The following AFAP1L2 variants were observed in gnomAD, a reference collection of about 807,000 sequenced individuals.
AFAP1L2 encodes actin filament associated protein 1 like 2.
AFAP1L2 carries 46 observed loss-of-function variants against 99.3 expected under a neutral mutation model. The observed-to-expected ratio is 0.46, with a 90% CI of 0.37 to 0.59. The LOEUF is 0.59. Among genes scored for constraint, AFAP1L2 ranks in the 20% least tolerant of loss-of-function variants. The pLI is 0.00. For synonymous variants in AFAP1L2, 397 were observed against 419.1 expected, an observed-to-expected ratio of 0.95 and a Z score of 0.64; for missense variants, 959 against 1,034.9, an observed-to-expected ratio of 0.93 and a Z score of 1.01.
At chr10:114,348,902 T>C (rs1244782840) in intron 1 of AFAP1L2, among the ~76,000 whole-genome samples, 1 of 152,240 alleles carries the variant, frequency 6.6e-6, no homozygotes, top group Non-Finnish European at 1.5e-5. Context: ...ATTTGCTTTA[T>C]GAAGTCTTTT....
chr10:114,396,775 C>T (rs1213771694), intron 1 of AFAP1L2, among the ~76,000 whole-genome samples: 1 of 152,162 alleles, frequency 6.6e-6, no homozygotes, highest in Non-Finnish European at 1.5e-5. Context: ...TTCCATGGTC[C>T]TCCTGGGCTT....
In AFAP1L2 at chr10:114,302,473, G is replaced by A. The variant is rs145048383; in HGVS notation, c.1296C>T (p.Ser432=). Residue 432 remains serine (S), a synonymous_variant, in exon 12 of 19, where the codon TCC becomes TCT. Coordinates refer to ENST00000304129, the MANE Select transcript of AFAP1L2 (RefSeq NM_001001936.3). The part of the protein sequence containing the change: ...EELAKLEAKS[S]EEMGHWLGLL... The stretch of plus-strand genomic sequence containing the variant: ...GACCCAGCCAGTGGCCCATTTCCTC[G>A]GAAGACTTGGCCTGGAACGAGGCCA... 4.4e-5 allele frequency: 71 copies of A among 1,613,848 alleles called. No homozygotes were observed. The East Asian group carries it at 7.1e-4, about 16-fold the overall frequency.
intron 4 of AFAP1L2, among the ~76,000 whole-genome samples, chr10:114,326,793 G>T (rs151110782): frequency 1.0e-3 from 152 of 151,996 alleles, no homozygotes; most frequent in African/African-American, 3.5e-3. Context: ...TGTCACATGG[G>T]GTTGCTGTAA....
rs944382613 is a variant in AFAP1L2 at position 114,390,450 on chromosome 10, C to T, written c.16+13990G>A. 3.9e-5 allele frequency among the ~76,000 whole-genome samples: 6 copies of T among 152,272 alleles called. No homozygotes were observed. The East Asian group carries it at 5.8e-4, about 15-fold the overall frequency. On this transcript the variant is annotated intron_variant, in intron 1 of 18. Transcript: ENST00000304129. The stretch of plus-strand genomic sequence containing the variant: ...GCAATTAAGAAAAATCGGCCGGCTG[C>T]GGTGGCTCACGCCTGTAATCCCAGC...
chr10:114,404,364 G>A lies in AFAP1L2; in HGVS notation c.16+76C>T, dbSNP rs546469388. On this transcript the variant is annotated intron_variant, in intron 1 of 18. Coordinates refer to ENST00000304129, the MANE Select transcript of AFAP1L2 (RefSeq NM_001001936.3). ...TGCTTATCCCGAGTCCTGGCAAGAC[G>A]AGTCCTAGCCCTGCCCTCCGCGTCG... 8 of 1,444,330 alleles carry A rather than the reference G, an allele frequency of 5.5e-6. No homozygotes were observed. The African/African-American group carries it at 8.5e-5, about 15-fold the overall frequency. 89.5% of individuals were successfully genotyped at this position (1,444,330 alleles called of 1,614,324 possible). A position where few individuals can be genotyped will look rare whatever the true frequency, so the allele number is the denominator to read the frequency against.
At chr10:114,325,881 C>T (rs1259019141) in intron 4 of AFAP1L2, 12 of 1,287,440 alleles carry the variant, frequency 9.3e-6, no homozygotes, top group Admixed American at 2.3e-5. Flanking sequence ...GGTCCTCTCG[C>T]CTCTGTGGCA....
chr10:114,356,395 C>G (rs1044686170), intron 1 of AFAP1L2, among the ~76,000 whole-genome samples: 1 of 152,044 alleles, frequency 6.6e-6, no homozygotes, highest in Non-Finnish European at 1.5e-5. Flanking sequence ...TTTCCCCCGC[C>G]AAACAAACAA....
At position 114,377,742 on chromosome 10, in the gene AFAP1L2, A is replaced by G. The variant is rs1353705191; in HGVS notation, c.16+26698T>C. On this transcript the variant is annotated intron_variant, in intron 1 of 18. Coordinates refer to ENST00000304129, the MANE Select transcript of AFAP1L2 (RefSeq NM_001001936.3). This position sits in a 1 kb window ranked among gnomAD's most constrained non-coding sequence, Gnocchi z 4.0. ...CAAATGCCTTAATTTCAACTCAGCA[A>G]GGTATCTGTGAACCAAGTGCTGAGA... 1.3e-5 allele frequency among the ~76,000 whole-genome samples: 2 copies of G among 152,220 alleles called. No individual in the cohort carries two copies. Among genetic ancestry groups the G allele is most frequent in the African/African-American group, 2.4e-5 (1 of 41,452 alleles).
At chr10:114,382,387 C>T (rs1263154407) in intron 1 of AFAP1L2, among the ~76,000 whole-genome samples, 1 of 152,050 alleles carries the variant, frequency 6.6e-6, no homozygotes, top group Non-Finnish European at 1.5e-5. Flanking sequence ...CCCTCACTTA[C>T]ATGTGAGAGC....
the AFAP1L2 span, chr10:114,282,527 T>C: frequency 5.0e-6 from 8 of 1,613,794 alleles, no homozygotes; most frequent in Non-Finnish European, 6.8e-6. Flanking sequence ...TGGAAGAGAG[T>C]GTTCCTAACC....
At chr10:114,301,117 G>A (rs550631413) in intron 13 of AFAP1L2, among the ~76,000 whole-genome samples, 11 of 152,280 alleles carry the variant, frequency 7.2e-5, no homozygotes, top group Non-Finnish European at 1.2e-4. Context: ...TAGCCCTGAC[G>A]AGAGGGGTTC....
chr10:114,320,185 G>C (rs1004503366), intron 5 of AFAP1L2, among the ~76,000 whole-genome samples: 3 of 152,170 alleles, frequency 2.0e-5, no homozygotes, highest in African/African-American at 7.2e-5. Flanking sequence ...TGAAGAACCT[G>C]GTATCTCTGG....
At chr10:114,287,595 G>A in the AFAP1L2 span, among the ~76,000 whole-genome samples, 2 of 152,140 alleles carry the variant, frequency 1.3e-5, no homozygotes, top group Non-Finnish European at 2.9e-5. Context: ...TTTCCCTCCT[G>A]TAAGGCGGAA....
chr10:114,312,704 G>T (rs185318636), intron 7 of AFAP1L2, among the ~76,000 whole-genome samples: 1 of 152,336 alleles, frequency 6.6e-6, no homozygotes, highest in East Asian at 1.9e-4. Flanking sequence ...TTCAGAGCTT[G>T]TTAGCTCTCT....
intron 1 of AFAP1L2, among the ~76,000 whole-genome samples, chr10:114,358,957 T>C (rs367591770): frequency 1.3e-5 from 2 of 152,118 alleles, no homozygotes; most frequent in African/African-American, 4.8e-5. Flanking sequence ...GCAGAGAAGG[T>C]ATATCTAAGA....
intron 1 of AFAP1L2, among the ~76,000 whole-genome samples, chr10:114,352,948 A>G (rs2050767245): frequency 6.6e-6 from 1 of 151,642 alleles, no homozygotes; most frequent in South Asian, 2.1e-4. Context: ...TCATCCATTC[A>G]CTCATATTTG....
At position 114,327,163 on chromosome 10, in the gene AFAP1L2, ATATATATATAT is replaced by A. The variant is rs1375358746; in HGVS notation, c.316-3913_316-3903del. ...TATATATATTTATATATATATATAT[ATATATATATAT>A]TTTTTTTTTAGGCAGAGTCTCACTG... On this transcript the variant is annotated intron_variant, in intron 4 of 18. Transcript: ENST00000304129. Among the ~76,000 whole-genome samples the A allele has an allele frequency of 4.5e-4, 37 of 81,380 alleles. 2 individuals carry two copies. The highest frequency in any genetic ancestry group is 9.9e-4 in the African/African-American group (31 of 31,330). 53.4% of individuals were successfully genotyped at this position (81,380 alleles called of 152,430 possible).
At chr10:114,298,175 C>T (rs1564773858) in intron 16 of AFAP1L2, among the ~76,000 whole-genome samples, 2 of 152,016 alleles carry the variant, frequency 1.3e-5, no homozygotes, top group Admixed American at 1.3e-4. Flanking sequence ...GCCAGGAGTT[C>T]GAGACCATCC....
At chr10:114,394,332 C>G (rs565785867) in intron 1 of AFAP1L2, among the ~76,000 whole-genome samples, 1 of 152,302 alleles carries the variant, frequency 6.6e-6, no homozygotes, top group African/African-American at 2.4e-5. Context: ...GAATAAGCCC[C>G]AGTTTCCCCA....
Sources: allele counts gnomAD v4.1 joint callset (sites outside exome capture counted in the v4.1 genomes callset), GRCh38; gene constraint gnomAD v4.1.1; non-coding constraint Gnocchi (gnomAD v3.1); transcripts MANE v1.5; gene names NCBI Gene and HGNC (gene_info 2026-07-23, HGNC 2026-07-21).